IBTK: variants seen among roughly 807,000 people sequenced by gnomAD.
IBTK encodes BTK-binding protein.
A neutral mutation model predicts 154.9 loss-of-function variants in IBTK; 83 were observed. The ratio of observed to expected loss-of-function variants is 0.54; its 90% CI spans 0.45 to 0.64. The LOEUF is 0.64. Ranked by LOEUF, IBTK falls within the 30% of genes least tolerant of loss-of-function variation. The pLI is 0.00. For missense variants in IBTK, 1,332 were observed against 1,584.6 expected (o/e 0.84, Z 2.71); for synonymous variants, 515 against 536.1 (o/e 0.96, Z 0.54).
chr6:82,245,907 T>C (rs1051664336), intron 1 of IBTK, among the ~76,000 whole-genome samples: 3 of 150,442 alleles, frequency 2.0e-5, no homozygotes, highest in African/African-American at 7.4e-5. Context: ...ACTTTGGAAG[T>C]GAGTAAAGCA....
intron 16 of IBTK, among the ~76,000 whole-genome samples, chr6:82,208,331 G>C (rs1769491326): frequency 6.6e-6 from 1 of 151,926 alleles, no homozygotes; most frequent in Non-Finnish European, 1.5e-5. Flanking sequence ...ATGGATCAAA[G>C]ACCTACATGT....
rs1476175997 is a variant in IBTK, at chr6:82,240,501, T to C, written c.-15A>G. 4 of 1,598,540 alleles carry C rather than the reference T, an allele frequency of 2.5e-6. No individual in the cohort carries two copies. The highest frequency in any genetic ancestry group is 1.1e-5 in the South Asian group (1 of 89,890). ...GGTGAACTCATCCTAACTGTTTTTA[T>C]ACCACTTACTTCAGAATCGTGAAAA... On this transcript the variant is annotated 5_prime_UTR_variant, in exon 2 of 29. Transcript: ENST00000306270.
intron 25 of IBTK, among the ~76,000 whole-genome samples, chr6:82,188,256 T>C (rs1477486744): frequency 1.3e-5 from 2 of 152,138 alleles, no homozygotes; most frequent in South Asian, 2.1e-4. Context: ...AAAACACATA[T>C]AGAGTAGAAT....
chr6:82,198,967 A>T (rs1769098466), intron 21 of IBTK, among the ~76,000 whole-genome samples: 1 of 152,166 alleles, frequency 6.6e-6, no homozygotes, highest in Non-Finnish European at 1.5e-5. Flanking sequence ...AAGCAAAGAT[A>T]ATATGAACCT....
chr6:82,213,824 C>T (rs1012642363), intron 12 of IBTK, among the ~76,000 whole-genome samples: 2 of 151,570 alleles, frequency 1.3e-5, no homozygotes, highest in African/African-American at 4.8e-5. Context: ...CATGTACCTC[C>T]CCAAAAAAAG....
rs1457775728 is a variant in IBTK at position 82,227,249 on chromosome 6, A to G, written c.597T>C (p.Tyr199=). ...SVFLSQKGQV[Y]TCGHGPGGRL... is the part of the protein sequence containing the mutation. ...GCCCTCCAGGACCATGACCACAGGTATAAACCTGCCCTTTCTGAGACAGAA... is the reference window on the plus strand; with the variant it reads ...GCCCTCCAGGACCATGACCACAGGTGTAAACCTGCCCTTTCTGAGACAGAA... Residue 199 remains tyrosine, a synonymous_variant, in exon 5 of 29, where the codon TAT becomes TAC. Coordinates refer to ENST00000306270, the MANE Select transcript of IBTK (RefSeq NM_015525.4). 2.5e-6 allele frequency: 4 copies of G among 1,612,622 alleles called. No homozygotes were observed. In the Admixed American group the frequency reaches 5.0e-5, roughly 20 times the overall value.
chr6:82,213,994 C>T (rs1461863426), intron 12 of IBTK, among the ~76,000 whole-genome samples: 29 of 151,588 alleles, frequency 1.9e-4, no homozygotes, highest in Admixed American at 1.8e-3. Flanking sequence ...CTCGCTCTGT[C>T]GCCCAGGCTG....
chr6:82,207,280 T>G (rs1161731206), intron 16 of IBTK, among the ~76,000 whole-genome samples: 1 of 152,132 alleles, frequency 6.6e-6, no homozygotes, highest in Non-Finnish European at 1.5e-5. Flanking sequence ...CAATTGTAAT[T>G]CTAAACACTA....
chr6:82,233,201 T>TCTA (rs1342059540), intron 3 of IBTK, among the ~76,000 whole-genome samples: 1 of 145,580 alleles, frequency 6.9e-6, no homozygotes, highest in Non-Finnish European at 1.5e-5. Flanking sequence ...GTGGCATGGG[T>TCTA]CTATATTCCC....
chr6:82,207,137 A>G (rs978453781), intron 16 of IBTK, among the ~76,000 whole-genome samples: 2 of 152,136 alleles, frequency 1.3e-5, no homozygotes, highest in African/African-American at 4.8e-5. Flanking sequence ...GGAAAGGCAT[A>G]AGTAAAACCA....
intron 26 of IBTK, among the ~76,000 whole-genome samples, chr6:82,175,668 C>T (rs1009474894): frequency 6.6e-6 from 1 of 152,166 alleles, no homozygotes; most frequent in Admixed American, 6.5e-5. Flanking sequence ...AAGAGACAAT[C>T]TGTAGAAAAT....
intron 21 of IBTK, among the ~76,000 whole-genome samples, chr6:82,197,361 C>T (rs978781211): frequency 7.6e-6 from 1 of 131,140 alleles, no homozygotes; most frequent in Non-Finnish European, 1.6e-5. Flanking sequence ...TTTTGCCACA[C>T]AATCTTTTTG....
intron 3 of IBTK, among the ~76,000 whole-genome samples, chr6:82,232,728 A>G (rs1290423366): frequency 6.6e-6 from 1 of 152,184 alleles, no homozygotes; most frequent in Non-Finnish European, 1.5e-5. Context: ...ATAAAAAAAT[A>G]ATTGGAGCCG....
rs139012878 is a variant in IBTK, at chr6:82,237,165, C to A, written c.322-2910G>T. On this transcript the variant is annotated intron_variant, in intron 2 of 28. Transcript: ENST00000306270. The stretch of plus-strand genomic sequence containing the variant: ...CTAAATGCTAACACCTAAATGGCAA[C>A]CCCTAGGATGGCAGGAAACCCAAAC... 5.2e-3 allele frequency among the ~76,000 whole-genome samples: 797 copies of A among 152,168 alleles called. 1 individual carries two copies. The highest frequency in any genetic ancestry group is 8.2e-3 in the Non-Finnish European group (558 of 68,008).
chr6:82,247,566 C>T lies in IBTK; in HGVS notation c.-362G>A. 2.5e-6 allele frequency: 1 copy of T among 398,944 alleles called. No individual in the cohort carries two copies. Among genetic ancestry groups the T allele is most frequent in the East Asian group, 3.6e-5 (1 of 28,080 alleles). 24.7% of individuals were successfully genotyped at this position (398,944 alleles called of 1,614,324 possible). A position where few individuals can be genotyped will look rare whatever the true frequency, so the allele number is the denominator to read the frequency against. On this transcript the variant is annotated 5_prime_UTR_variant, in exon 1 of 29. Transcript: ENST00000306270. ...CAGCGCCAAGCCCTCCCTCACCAGTCGCTAGATGAAACTGCGCCGGTGGAT... is the reference window on the plus strand; with the variant it reads ...CAGCGCCAAGCCCTCCCTCACCAGTTGCTAGATGAAACTGCGCCGGTGGAT...
Position 82,200,712 on chromosome 6 carries a change from C to T in IBTK, c.2791-4G>A. 1 of 1,471,684 alleles carries T rather than the reference C, an allele frequency of 6.8e-7. No homozygotes were observed. Among genetic ancestry groups the T allele is most frequent in the Non-Finnish European group, 9.2e-7 (1 of 1,092,748 alleles). 91.2% of individuals were successfully genotyped at this position (1,471,684 alleles called of 1,614,324 possible). On this transcript the variant is annotated splice_polypyrimidine_tract_variant and splice_region_variant and intron_variant, in intron 19 of 28. Transcript: ENST00000306270. ...CTCTTCTATCCATTGCTGGAATCTG[C>T]AGAATTGAAGATATCACTTTTCAAA...
rs545979663 is a variant in IBTK at position 82,181,969 on chromosome 6, T to C, written c.3635A>G (p.Lys1212Arg). ...TGAACTATGGCTAGTAACAGACTTT[T>C]TTTCTTCTAGTAAGAAATCCCGGAA... ...KSFRDFLLEE[K>R]KSVTSHSSGD... The change falls in exon 26 of 29, where the codon AAA becomes AGA. Residue 1212 changes from lysine (K) to arginine (R), a missense_variant. Physicochemically the swap from Lys to Arg is conservative, Grantham distance 26. This residue lies in a region of IBTK where 1,134 missense variants were observed against 1,274.7 expected (regional missense o/e 0.89). Coordinates refer to ENST00000306270, the MANE Select transcript of IBTK (RefSeq NM_015525.4). 7.7e-5 allele frequency: 123 copies of C among 1,606,318 alleles called. No homozygotes were observed. Among genetic ancestry groups the C allele is most frequent in the Non-Finnish European group, 9.9e-5 (117 of 1,178,302 alleles).
At chr6:82,229,557 G>A (rs980844711) in intron 4 of IBTK, among the ~76,000 whole-genome samples, 4 of 152,006 alleles carry the variant, frequency 2.6e-5, no homozygotes, top group African/African-American at 7.3e-5. Context: ...ATTTTAAGGA[G>A]GAGTCTGAGG....
intron 4 of IBTK, among the ~76,000 whole-genome samples, chr6:82,230,950 C>T (rs1246563147): frequency 6.6e-6 from 1 of 152,134 alleles, no homozygotes; most frequent in Non-Finnish European, 1.5e-5. Flanking sequence ...ATCACTCGTG[C>T]CTAAGCATCT....
Sources: allele counts gnomAD v4.1 joint callset (sites outside exome capture counted in the v4.1 genomes callset), GRCh38; gene constraint gnomAD v4.1.1; regional missense constraint gnomAD v4.1.1; transcripts MANE v1.5; gene names NCBI Gene and HGNC (gene_info 2026-07-23, HGNC 2026-07-21).